ANK2: variants seen among roughly 807,000 people sequenced by gnomAD.
The protein encoded by ANK2 is ankyrin 2.
In ANK2, 83 loss-of-function variants were observed where a neutral mutation model predicts 360.5. That is an observed-to-expected ratio of 0.23 (90% CI 0.19 to 0.28). ANK2 has a LOEUF of 0.28. Ranked by LOEUF, ANK2 falls within the 10% of genes least tolerant of loss-of-function variation. The pLI is 1.00. For synonymous variants in ANK2, 1,740 were observed against 1,759.5 expected (o/e 0.99, Z 0.28); for missense variants, 4,201 against 4,795.7 (o/e 0.88, Z 3.66).
chr4:113,139,466 T>G lies in ANK2; in HGVS notation c.85-34950T>G, dbSNP rs560028713. On this transcript the variant is annotated intron_variant, in intron 1 of 45. Coordinates refer to ENST00000357077, the MANE Select transcript of ANK2 (RefSeq NM_001148.6). ...TTTATTTTAATCACTTGACCCTCTC[T>G]TCAAAAAAGCTGTGGGGAAGCCCCT... Among the ~76,000 whole-genome samples, 4 of 152,292 alleles carry G rather than the reference T, an allele frequency of 2.6e-5. No homozygotes were observed. In the East Asian group the frequency reaches 7.7e-4, roughly 29 times the overall value.
intron 1 of ANK2, among the ~76,000 whole-genome samples, chr4:113,143,389 C>T (rs112687010): frequency 3.2e-4 from 36 of 111,850 alleles, no homozygotes; most frequent in African/African-American, 1.2e-3. Flanking sequence ...CATCTAGCAC[C>T]TAGGGGCATC....
chr4:113,365,303 C>A, intron 41 of ANK2, 121 bp downstream of exon 41: 1 of 1,058,384 alleles, frequency 9.4e-7, no homozygotes, highest in Non-Finnish European at 1.4e-6. Context: ...TAGACCATGG[C>A]CTATGGTGAT....
chr4:112,953,049 A>T (rs1378842615), intron 2 of ANK2, among the ~76,000 whole-genome samples: 1 of 152,220 alleles, frequency 6.6e-6, no homozygotes, highest in Non-Finnish European at 1.5e-5. Flanking sequence ...ATTTAATCCC[A>T]TGAAACATAC....
In ANK2 at chr4:113,150,463, A is replaced by G. The variant is rs73841248; in HGVS notation, c.85-23953A>G. 3.0e-3 allele frequency among the ~76,000 whole-genome samples: 452 copies of G among 152,268 alleles called. 3 individuals are homozygous for G. Among genetic ancestry groups the G allele is most frequent in the African/African-American group, 1.0e-2 (414 of 41,564 alleles). ...AGCCTGAAGCAGATCTTGGGAGCAA[A>G]ATACAATCTGGGTTCCTGTTGGGAA... On this transcript the variant is annotated intron_variant, in intron 1 of 45. Coordinates refer to ENST00000357077, the MANE Select transcript of ANK2 (RefSeq NM_001148.6).
upstream of ANK2, among the ~76,000 whole-genome samples, chr4:112,816,517 CT>C (rs1198558084): frequency 2.0e-5 from 3 of 151,726 alleles, no homozygotes; most frequent in African/African-American, 7.3e-5. Context: ...TATGCAAATA[CT>C]ATTATATTGA....
chr4:113,112,246 A>G (rs938045562), intron 1 of ANK2, among the ~76,000 whole-genome samples: 11 of 152,342 alleles, frequency 7.2e-5, no homozygotes, highest in African/African-American at 2.6e-4. Flanking sequence ...AAGAGAGCAC[A>G]CAAAATACAT....
intron 1 of ANK2, among the ~76,000 whole-genome samples, chr4:113,167,393 G>A (rs1416678118): frequency 2.0e-5 from 3 of 150,662 alleles, no homozygotes; most frequent in South Asian, 4.2e-4. Context: ...TCTGCCTCCC[G>A]GATCCGAGCG....
chr4:112,881,994 C>A (rs2076826231), intron 1 of ANK2: 1 of 565,710 alleles, frequency 1.8e-6, no homozygotes, highest in African/African-American at 1.9e-5. Context: ...CCCCGGAGTG[C>A]TTGGTGCTTG....
intron 1 of ANK2, among the ~76,000 whole-genome samples, chr4:113,079,065 G>T (rs187591309): frequency 2.0e-5 from 3 of 152,166 alleles, no homozygotes; most frequent in African/African-American, 7.2e-5. Flanking sequence ...GAATAAACAC[G>T]TGGAAACTGC....
At chr4:113,049,084 AAG>A (rs1380266356), upstream of ANK2, among the ~76,000 whole-genome samples, 1 of 152,118 alleles carries the variant, frequency 6.6e-6, no homozygotes, top group Admixed American at 6.6e-5. Context: ...GGCACAGGAG[AAG>A]AGAGTGGTTG....
the ANK2 span, among the ~76,000 whole-genome samples, chr4:112,789,443 C>T: frequency 6.6e-6 from 1 of 152,088 alleles, no homozygotes; most frequent in African/African-American, 2.4e-5. Flanking sequence ...ACATGGCTAC[C>T]AGGGCCAAAG....
the ANK2 span, among the ~76,000 whole-genome samples, chr4:112,781,139 G>GC: frequency 6.6e-6 from 1 of 152,078 alleles, no homozygotes; most frequent in Non-Finnish European, 1.5e-5. Context: ...AGCTGGGACT[G>GC]CAGGTGCACA....
intron 2 of ANK2, among the ~76,000 whole-genome samples, chr4:113,194,888 G>A (rs1344724551): frequency 6.6e-6 from 1 of 152,074 alleles, no homozygotes; most frequent in Non-Finnish European, 1.5e-5. Context: ...TTGGTATGCA[G>A]TATATATAAA....
chr4:113,221,388 G>A lies in ANK2; in HGVS notation c.385-10773G>A, dbSNP rs139067598. On this transcript the variant is annotated intron_variant, in intron 4 of 45. Transcript: ENST00000357077. ...AAAACTGATCTCCAGGGCTGGGCGC[G>A]GTGGCTCACATCTGCAATACCAGCA... Among the ~76,000 whole-genome samples the A allele has an allele frequency of 1.5e-3, 226 of 152,184 alleles. 1 individual carries two copies. The highest frequency in any genetic ancestry group is 5.0e-3 in the African/African-American group (209 of 41,526).
At chr4:112,794,935 A>G in the ANK2 span, among the ~76,000 whole-genome samples, 1 of 152,240 alleles carries the variant, frequency 6.6e-6, no homozygotes, top group Non-Finnish European at 1.5e-5. Flanking sequence ...AAATAACTAG[A>G]TTTGTCTCCT....
rs1415263664 is a variant in ANK2 at position 113,177,833 on chromosome 4, A to G, written c.186+3316A>G. Reference sequence around the variant, plus strand: ...AGGTTCAAATTCAAGTTTCATCTCTACTTTGAAGAAGTCAGCTCACTTTAG... The same window carrying G: ...AGGTTCAAATTCAAGTTTCATCTCTGCTTTGAAGAAGTCAGCTCACTTTAG... On this transcript the variant is annotated intron_variant, in intron 2 of 45. Transcript: ENST00000357077. Among the ~76,000 whole-genome samples, 4 of 152,192 alleles carry G rather than the reference A, an allele frequency of 2.6e-5. No homozygotes were observed. The South Asian group carries it at 8.3e-4, about 32-fold the overall frequency.
chr4:112,957,919 G>T (rs2031422274), intron 2 of ANK2, among the ~76,000 whole-genome samples: 1 of 151,908 alleles, frequency 6.6e-6, no homozygotes, highest in African/African-American at 2.4e-5. Flanking sequence ...CCCAGACGGG[G>T]TCGCGGCCAG....
intron 1 of ANK2, among the ~76,000 whole-genome samples, chr4:112,878,207 A>G (rs1314525177): frequency 5.0e-5 from 6 of 120,554 alleles, no homozygotes; most frequent in African/African-American, 2.2e-4. Flanking sequence ...AGAAATCTTC[A>G]TCCGGCTGTC....
At chr4:113,317,906 A>C in intron 25 of ANK2, 97 bp downstream of exon 25, 1 of 981,010 alleles carries the variant, frequency 1.0e-6, no homozygotes, top group Non-Finnish European at 1.6e-6. Flanking sequence ...AATCCCCCCA[A>C]AATCATTCCC....
Sources: allele counts gnomAD v4.1 joint callset (sites outside exome capture counted in the v4.1 genomes callset), GRCh38; gene constraint gnomAD v4.1.1; transcripts MANE v1.5; gene names NCBI Gene and HGNC (gene_info 2026-07-23, HGNC 2026-07-21).